The following POU6F2 variants were observed in gnomAD, a reference collection of about 807,000 sequenced individuals.
The protein encoded by POU6F2 is POU domain, class 6, transcription factor 2.
A neutral mutation model predicts 71.3 loss-of-function variants in POU6F2; 31 were observed. The ratio of observed to expected loss-of-function variants is 0.43; its 90% CI spans 0.33 to 0.59. POU6F2 has a LOEUF of 0.59. POU6F2 is among the 20% of genes least tolerant of loss of function. POU6F2 has a pLI of 0.04. For synonymous variants in POU6F2, 347 were observed against 355.7 expected, an observed-to-expected ratio of 0.98 and a Z score of 0.27; for missense variants, 783 against 856.8, an observed-to-expected ratio of 0.91 and a Z score of 1.07.
At chr7:39,293,298 C>T (rs569604978) in intron 4 of POU6F2, among the ~76,000 whole-genome samples, 1 of 152,196 alleles carries the variant, frequency 6.6e-6, no homozygotes, top group Non-Finnish European at 1.5e-5. Context: ...GCTGTGTGTT[C>T]ATAAAGAATC....
At chr7:39,326,953 T>G (rs1189747743) in intron 4 of POU6F2, among the ~76,000 whole-genome samples, 1 of 152,162 alleles carries the variant, frequency 6.6e-6, no homozygotes, top group Non-Finnish European at 1.5e-5. Flanking sequence ...CCAGACTATC[T>G]GAAATACTTT....
intron 4 of POU6F2, among the ~76,000 whole-genome samples, chr7:39,268,875 A>G (rs1278410705): frequency 2.6e-5 from 4 of 152,284 alleles, no homozygotes; most frequent in African/African-American, 9.6e-5. Flanking sequence ...CACTTTAAAT[A>G]AGTCTCCACT....
Position 39,082,259 on chromosome 7 carries a change from G to A in POU6F2, c.106-3601G>A, listed in dbSNP as rs73122445. Among the ~76,000 whole-genome samples the A allele has an allele frequency of 7.2e-3, 1,097 of 152,260 alleles. 8 individuals are homozygous for A. Among genetic ancestry groups the A allele is most frequent in the Non-Finnish European group, 0.012 (796 of 68,006 alleles). ...TGGTTCTTGGGTCTCTGATGGCCCC[G>A]TGAGTGTCCTGTATTGGCACATGCC... On this transcript the variant is annotated intron_variant, in intron 1 of 9. Coordinates refer to ENST00000518318, the MANE Select transcript of POU6F2 (RefSeq NM_001370959.1).
chr7:39,017,405 G>T (rs533136559), intron 1 of POU6F2, among the ~76,000 whole-genome samples: 1 of 152,032 alleles, frequency 6.6e-6, no homozygotes, highest in Non-Finnish European at 1.5e-5. Context: ...ATCTTTAGTC[G>T]CTGTTATTGT....
At chr7:38,979,022 C>A (rs1788247956) in intron 1 of POU6F2, among the ~76,000 whole-genome samples, 1 of 151,980 alleles carries the variant, frequency 6.6e-6, no homozygotes, top group Admixed American at 6.6e-5. Flanking sequence ...TACCCTCCTG[C>A]AAAGGGAGGG....
intron 1 of POU6F2, among the ~76,000 whole-genome samples, chr7:39,062,080 C>T (rs1471763584): frequency 6.6e-6 from 1 of 152,118 alleles, no homozygotes; most frequent in Admixed American, 6.6e-5. Context: ...TTCTCTTCTA[C>T]TTTTTAATCT....
intron 4 of POU6F2, among the ~76,000 whole-genome samples, chr7:39,262,054 C>T (rs1385543745): frequency 1.3e-5 from 2 of 151,770 alleles, no homozygotes; most frequent in African/African-American, 4.8e-5. Context: ...CTGGGAACAA[C>T]AAAAAAAAGT....
At chr7:39,001,293 A>G (rs10488570) in intron 1 of POU6F2, among the ~76,000 whole-genome samples, 16,161 of 152,008 alleles carry the variant, frequency 0.11, 942 homozygotes, top group East Asian at 0.14. Context: ...GTTTATAAAC[A>G]AAGAGTTGAT....
chr7:39,079,040 A>G (rs571750969), intron 1 of POU6F2, among the ~76,000 whole-genome samples: 1 of 152,250 alleles, frequency 6.6e-6, no homozygotes, highest in Non-Finnish European at 1.5e-5. Flanking sequence ...GTGGAGAGAA[A>G]AGTAACTCCC....
At chr7:39,069,895 G>GT (rs1306017846) in intron 1 of POU6F2, among the ~76,000 whole-genome samples, 2 of 152,188 alleles carry the variant, frequency 1.3e-5, no homozygotes, top group South Asian at 2.1e-4. Flanking sequence ...GAAAATTCAC[G>GT]TATCAGTGGA....
At chr7:39,248,103 A>G (rs1783852003) in intron 4 of POU6F2, among the ~76,000 whole-genome samples, 2 of 150,930 alleles carry the variant, frequency 1.3e-5, no homozygotes, top group African/African-American at 2.4e-5. Flanking sequence ...TTTTCCAGGA[A>G]AAAAAAAAGA....
intron 5 of POU6F2, among the ~76,000 whole-genome samples, chr7:39,353,052 C>A (rs1424516792): frequency 6.6e-6 from 1 of 152,248 alleles, no homozygotes; most frequent in Admixed American, 6.5e-5. Context: ...TCTTCAAAAA[C>A]ACCTGCCCTT....
chr7:39,328,208 C>T (rs564553732), intron 4 of POU6F2, among the ~76,000 whole-genome samples: 46 of 152,310 alleles, frequency 3.0e-4, no homozygotes, highest in Admixed American at 8.5e-4. Context: ...CGTGAGCCAC[C>T]GCACCCGACC....
chr7:39,036,952 G>A (rs1421396782), intron 1 of POU6F2, among the ~76,000 whole-genome samples: 1 of 151,502 alleles, frequency 6.6e-6, no homozygotes, highest in African/African-American at 2.4e-5. Context: ...TGTTATATAG[G>A]TAAATTTCGT....
Position 39,366,945 on chromosome 7 carries a change from T to G in POU6F2, c.972+26930T>G, listed in dbSNP as rs1300683645. On this transcript the variant is annotated intron_variant, in intron 5 of 9. Coordinates refer to ENST00000518318, the MANE Select transcript of POU6F2 (RefSeq NM_001370959.1). ...TTCCGGTGGCCTCCAGGGTAGACTG[T>G]GGTGCCAGCTTTGAGAACCAGAGGA... is the stretch of plus-strand genomic sequence containing the variant. Among the ~76,000 whole-genome samples, 4 of 152,128 alleles carry G rather than the reference T, an allele frequency of 2.6e-5. No individual in the cohort carries two copies. The East Asian group carries it at 7.8e-4, about 30-fold the overall frequency.
chr7:39,201,843 C>A (rs1328600521), intron 2 of POU6F2, among the ~76,000 whole-genome samples: 2 of 152,216 alleles, frequency 1.3e-5, no homozygotes, highest in Non-Finnish European at 2.9e-5. Context: ...CCCCCTCTGG[C>A]TCTGAGAAGG....
At chr7:39,242,100 T>A (rs1783736001) in intron 4 of POU6F2, among the ~76,000 whole-genome samples, 1 of 152,198 alleles carries the variant, frequency 6.6e-6, no homozygotes, top group African/African-American at 2.4e-5. Flanking sequence ...AGTTTGTTAA[T>A]CCATTTGCCA....
intron 4 of POU6F2, among the ~76,000 whole-genome samples, chr7:39,254,646 C>A (rs1783984796): frequency 6.6e-6 from 1 of 152,140 alleles, no homozygotes; most frequent in African/African-American, 2.4e-5. Flanking sequence ...TTCATAATTT[C>A]TCCTATATTT....
chr7:38,991,864 C>G (rs1377475047), intron 1 of POU6F2, among the ~76,000 whole-genome samples: 4 of 151,822 alleles, frequency 2.6e-5, no homozygotes, highest in African/African-American at 9.7e-5. Context: ...CTCTCCCTCT[C>G]TCTCACATCT....
Sources: gnomAD v4.1 joint callset for allele counts (sites outside exome capture counted in the v4.1 genomes callset) on GRCh38, gnomAD v4.1.1 for gene constraint, MANE v1.5 for transcripts, NCBI Gene and HGNC (gene_info 2026-07-23, HGNC 2026-07-21) for gene names.